Variants in C3orf52 observed in about 807,000 individuals in gnomAD.
C3orf52 encodes chromosome 3 open reading frame 52, also known as TPA-induced transmembrane protein.
C3orf52 carries 22 observed loss-of-function variants against 24.8 expected under a neutral mutation model. That is an observed-to-expected ratio of 0.89 (90% CI 0.63 to 1.27). The LOEUF is 1.27. C3orf52 is among the 50% of genes most tolerant of loss of function. C3orf52 has a pLI of 0.00. For synonymous variants in C3orf52, 93 were observed against 100.2 expected, an observed-to-expected ratio of 0.93 and a Z score of 0.43; for missense variants, 265 against 260.7, an observed-to-expected ratio of 1.02 and a Z score of -0.11.
intron 4 of C3orf52, among the ~76,000 whole-genome samples, chr3:112,124,689 A>G (rs1343873894): frequency 2.0e-5 from 3 of 152,168 alleles, no homozygotes; most frequent in Non-Finnish European, 2.9e-5. Context: ...CCCTCTAGAG[A>G]TATTTATGTT....
chr3:112,090,185 C>T (rs960566899), intron 1 of C3orf52, among the ~76,000 whole-genome samples: 1 of 151,696 alleles, frequency 6.6e-6, no homozygotes, highest in African/African-American at 2.4e-5. Flanking sequence ...CCGGGCGTTA[C>T]TTCTAAAAGA....
At chr3:112,102,375 A>C (rs75526092) in intron 2 of C3orf52, among the ~76,000 whole-genome samples, 14,319 of 151,234 alleles carry the variant, frequency 0.095, 1,250 homozygotes, top group African/African-American at 0.24. Flanking sequence ...ATGATTTCGG[A>C]ATCTGAGTCT....
At chr3:112,118,828 A>G (rs867265058), downstream of C3orf52, among the ~76,000 whole-genome samples, 26 of 152,234 alleles carry the variant, frequency 1.7e-4, no homozygotes, top group African/African-American at 6.3e-4. Flanking sequence ...TCACTTAGAT[A>G]TGGATAGAAT....
intron 4 of C3orf52, 107 bp from the exon 5 acceptor site, chr3:112,112,857 C>T (rs754659332): frequency 8.2e-6 from 7 of 858,446 alleles, no homozygotes; most frequent in Admixed American, 1.9e-5. Flanking sequence ...CTATTTTGTA[C>T]TGGAAGAACA....
At chr3:112,108,312 ACTC>A (rs1450836696) in intron 3 of C3orf52, among the ~76,000 whole-genome samples, 2 of 152,014 alleles carry the variant, frequency 1.3e-5, no homozygotes, top group African/African-American at 2.4e-5. Context: ...ACTATTTTAT[ACTC>A]CTCGGAGTGG....
intron 2 of C3orf52, among the ~76,000 whole-genome samples, chr3:112,093,884 G>A (rs2073902086): frequency 6.6e-6 from 1 of 152,016 alleles, no homozygotes; most frequent in African/African-American, 2.4e-5. Context: ...CATCTGGTGT[G>A]TCTGATATAT....
intron 3 of C3orf52, among the ~76,000 whole-genome samples, chr3:112,105,093 G>A (rs1430407598): frequency 6.6e-6 from 1 of 152,130 alleles, no homozygotes; most frequent in African/African-American, 2.4e-5. Context: ...GAAATTCTGC[G>A]GGTATTTTGA....
chr3:112,086,641 G>C, intron 1 of C3orf52, 96 bp downstream of exon 1: 1 of 1,444,732 alleles, frequency 6.9e-7, no homozygotes, highest in Admixed American at 2.3e-5. Flanking sequence ...CCAGTCAGGC[G>C]GGGCGTCGAC....
intron 2 of C3orf52, among the ~76,000 whole-genome samples, chr3:112,095,613 A>G (rs1320507787): frequency 6.6e-6 from 1 of 152,186 alleles, no homozygotes; most frequent in African/African-American, 2.4e-5. Context: ...TTTTTTTAAC[A>G]CTTGTAGTGC....
intron 1 of C3orf52, among the ~76,000 whole-genome samples, chr3:112,092,018 A>G (rs1350271969): frequency 6.6e-5 from 10 of 151,730 alleles, no homozygotes; most frequent in Admixed American, 4.6e-4. Context: ...AAAAAAGAAA[A>G]AAAAAAAAAA....
In C3orf52 at chr3:112,116,661, G is replaced by A; in HGVS notation, c.*15G>A. ...TTTTAGAATGAAGTGATGGAGGCTG[G>A]TCTCTGTCTGAAAGCAGTGCTCTAC... On this transcript the variant is annotated 3_prime_UTR_variant, in exon 6 of 6. Transcript: ENST00000264848. The A allele has an allele frequency of 6.3e-7, 1 of 1,592,650 alleles. No individual in the cohort carries two copies. The highest frequency in any genetic ancestry group is 2.2e-5 in the East Asian group (1 of 44,458).
chr3:112,134,786 C>T (rs116703922), downstream of C3orf52: 1,011 of 154,762 alleles, frequency 6.5e-3, 18 homozygotes, highest in African/African-American at 0.023. Context: ...TACATCCACA[C>T]AACAGAATCC....
intron 4 of C3orf52, chr3:112,111,957 G>A (rs956600881): frequency 6.6e-6 from 1 of 152,308 alleles, no homozygotes; most frequent in African/African-American, 2.4e-5. Flanking sequence ...TTGTAAGATC[G>A]AAGAGTATCG....
At chr3:112,093,758 G>A (rs1175333902) in intron 2 of C3orf52, among the ~76,000 whole-genome samples, 1 of 152,152 alleles carries the variant, frequency 6.6e-6, no homozygotes, top group Non-Finnish European at 1.5e-5. Context: ...GGATCTTGAA[G>A]AGGTTTCTTA....
At chr3:112,099,892 T>C (rs1379269119) in intron 2 of C3orf52, among the ~76,000 whole-genome samples, 1 of 152,226 alleles carries the variant, frequency 6.6e-6, no homozygotes, top group Non-Finnish European at 1.5e-5. Flanking sequence ...TTTTCATCTT[T>C]ACTATCACCT....
chr3:112,087,317 C>T (rs2073838954), intron 1 of C3orf52, among the ~76,000 whole-genome samples: 1 of 152,190 alleles, frequency 6.6e-6, no homozygotes, highest in Non-Finnish European at 1.5e-5. Flanking sequence ...TATTTTTAGG[C>T]CAAGCTCTTT....
chr3:112,096,453 G>A (rs1204648692), intron 2 of C3orf52, among the ~76,000 whole-genome samples: 2 of 152,182 alleles, frequency 1.3e-5, no homozygotes, highest in African/African-American at 4.8e-5. Context: ...TGTAGATAAC[G>A]TTAAGGTTGT....
rs5851818 is a variant in C3orf52, at chr3:112,109,537, G to GT, written c.397-3dup. On this transcript the variant is annotated splice_region_variant and splice_polypyrimidine_tract_variant and intron_variant, in intron 3 of 5. Coordinates refer to ENST00000264848, the MANE Select transcript of C3orf52 (RefSeq NM_024616.3). ...TGTGTGGTTTAATTTGCTTCTGTTT[G>GT]TTTAGCTCACAGATGTGTACAGTAC... The GT allele has an allele frequency of 0.38, 590,082 of 1,571,474 alleles. 114,708 individuals carry two copies. The highest frequency in any genetic ancestry group is 0.58 in the African/African-American group (42,861 of 73,978).
At chr3:112,129,379 C>T (rs1187717253), downstream of C3orf52, 5 of 152,178 alleles carry the variant, frequency 3.3e-5, no homozygotes, top group African/African-American at 1.2e-4. Flanking sequence ...TGGGCAAAAA[C>T]GATCTGTAAG....
Sources: gnomAD v4.1 joint callset for allele counts (sites outside exome capture counted in the v4.1 genomes callset) on GRCh38, gnomAD v4.1.1 for gene constraint, MANE v1.5 for transcripts, NCBI Gene and HGNC (gene_info 2026-07-23, HGNC 2026-07-21) for gene names.